Variants in SYTL5 observed in about 807,000 individuals in gnomAD.
The protein encoded by SYTL5 is synaptotagmin-like protein 5.
A neutral mutation model predicts 55.9 loss-of-function variants in SYTL5; 34 were observed. The ratio of observed to expected loss-of-function variants is 0.61; its 90% confidence interval spans 0.46 to 0.81. SYTL5 has a LOEUF of 0.81. Ranked by LOEUF, SYTL5 falls within the 30% of genes least tolerant of loss-of-function variation. The pLI is 0.00. For synonymous variants in SYTL5, 221 were observed against 188.7 expected (o/e 1.17, Z -1.40); for missense variants, 637 against 546.7 (o/e 1.17, Z -1.65).
chrX:38,021,286 G>C (rs12393351), intron 1 of SYTL5, among the ~76,000 whole-genome samples: 32,295 of 111,322 alleles, frequency 0.29, 6,503 homozygotes, highest in African/African-American at 0.72. Flanking sequence ...GAAGCCCTTT[G>C]AGGAGTCTTT....
chrX:37,934,208 C>T, the SYTL5 span, among the ~76,000 whole-genome samples: 1 of 110,048 alleles, frequency 9.1e-6, no homozygotes, highest in Non-Finnish European at 1.9e-5. Context: ...AAAAATGAGT[C>T]AATAGAAACT....
the SYTL5 span, among the ~76,000 whole-genome samples, chrX:37,977,379 G>A: frequency 2.7e-5 from 3 of 110,671 alleles, no homozygotes; most frequent in South Asian, 7.8e-4. Context: ...GGGTAGGAAA[G>A]GGAAGAGGGA....
chrX:37,961,151 T>C, the SYTL5 span, among the ~76,000 whole-genome samples: 2 of 111,317 alleles, frequency 1.8e-5, no homozygotes, highest in African/African-American at 6.5e-5. Context: ...TTCAGATCTC[T>C]GTTATAGCAA....
the SYTL5 span, among the ~76,000 whole-genome samples, chrX:38,000,618 G>A: frequency 0.024 from 2,639 of 112,265 alleles, 129 homozygotes; most frequent in South Asian, 0.17. Context: ...TAGGTAGCTC[G>A]TGTTAGTCAG....
chrX:37,981,215 A>G, the SYTL5 span, among the ~76,000 whole-genome samples: 3 of 111,905 alleles, frequency 2.7e-5, no homozygotes, highest in Non-Finnish European at 5.6e-5. Flanking sequence ...TTAATCAGAG[A>G]TATAGACAAA....
At chrX:37,969,901 T>C in the SYTL5 span, among the ~76,000 whole-genome samples, 3 of 112,264 alleles carry the variant, frequency 2.7e-5, no homozygotes, top group Admixed American at 9.4e-5. Flanking sequence ...CCCAGTGTGC[T>C]GGGATTACAG....
chrX:38,105,335 G>A (rs756926278), intron 10 of SYTL5, among the ~76,000 whole-genome samples: 28 of 113,021 alleles, frequency 2.5e-4, no homozygotes, highest in Non-Finnish European at 3.6e-4. Context: ...TCCTGCCAAC[G>A]TGTGCCCAAG....
intron 3 of SYTL5, among the ~76,000 whole-genome samples, chrX:38,070,585 C>A (rs1429952530): frequency 9.0e-6 from 1 of 111,464 alleles, no homozygotes; most frequent in African/African-American, 3.3e-5. Context: ...TTTAGAAAAA[C>A]TGCTAGAATG....
the SYTL5 span, among the ~76,000 whole-genome samples, chrX:37,890,406 T>C: frequency 8.9e-6 from 1 of 112,192 alleles, no homozygotes; most frequent in Non-Finnish European, 1.9e-5. Context: ...TCTAGACATA[T>C]AGCTTAGAAG....
At chrX:37,909,686 T>A in the SYTL5 span, among the ~76,000 whole-genome samples, 4,612 of 109,528 alleles carry the variant, frequency 0.042, 150 homozygotes, top group African/African-American at 0.11. Flanking sequence ...TTTTATTTTT[T>A]TTTTTGAGAT....
the SYTL5 span, among the ~76,000 whole-genome samples, chrX:37,937,316 GA>G: frequency 8.1e-5 from 9 of 111,145 alleles, no homozygotes; most frequent in African/African-American, 2.9e-4. Flanking sequence ...GGCAGAAGAA[GA>G]GGGCAGACGG....
the SYTL5 span, among the ~76,000 whole-genome samples, chrX:37,950,683 G>A: frequency 9.1e-6 from 1 of 110,469 alleles, no homozygotes; most frequent in Admixed American, 9.7e-5. Flanking sequence ...TATTCAGTTG[G>A]TTGTTATAGA....
intron 15 of SYTL5, among the ~76,000 whole-genome samples, chrX:38,124,708 T>C (rs1428186814): frequency 1.8e-5 from 2 of 112,071 alleles, no homozygotes; most frequent in East Asian, 5.6e-4. Context: ...AACTGGAGCA[T>C]GATTCCACTA....
intron 15 of SYTL5, 72 bp downstream of exon 15, chrX:38,122,287 G>A: frequency 3.0e-6 from 3 of 987,918 alleles, no homozygotes; most frequent in Non-Finnish European, 4.2e-6. Flanking sequence ...ACAAGCCACT[G>A]GTGGCTGTGA....
chrX:38,035,984 T>C (rs1392931207), intron 2 of SYTL5, among the ~76,000 whole-genome samples: 1 of 111,418 alleles, frequency 9.0e-6, no homozygotes, highest in Non-Finnish European at 1.9e-5. Flanking sequence ...TTCTGAATAT[T>C]TGTTTCTGTC....
intron 3 of SYTL5, among the ~76,000 whole-genome samples, chrX:38,071,009 T>A (rs947674133): frequency 1.8e-5 from 2 of 111,278 alleles, no homozygotes; most frequent in African/African-American, 3.3e-5. Flanking sequence ...TAATAAGAAC[T>A]ATGAGAATAT....
the SYTL5 span, among the ~76,000 whole-genome samples, chrX:37,928,278 A>G: frequency 9.0e-6 from 1 of 111,415 alleles, no homozygotes; most frequent in Non-Finnish European, 1.9e-5. Flanking sequence ...CACACATTCA[A>G]CCTAACTAGT....
intron 10 of SYTL5, among the ~76,000 whole-genome samples, 158 bp from the exon 11 acceptor site, chrX:38,106,435 C>A (rs918778266): frequency 3.6e-5 from 4 of 111,904 alleles, no homozygotes; most frequent in African/African-American, 6.5e-5. Flanking sequence ...GGATTTTATA[C>A]AACACCAGCC....
At chrX:38,039,454 A>T (rs1481679279) in intron 2 of SYTL5, among the ~76,000 whole-genome samples, 2 of 112,403 alleles carry the variant, frequency 1.8e-5, no homozygotes, top group Non-Finnish European at 3.8e-5. Context: ...CTTTTCATTT[A>T]CTTCAAAAGA....
Sources: allele counts gnomAD v4.1 joint callset (sites outside exome capture counted in the v4.1 genomes callset), GRCh38; gene constraint gnomAD v4.1.1; transcripts MANE v1.5; gene names NCBI Gene and HGNC (gene_info 2026-07-23, HGNC 2026-07-21).